TSPEAR: variants seen among roughly 807,000 people sequenced by gnomAD.
TSPEAR encodes thrombospondin-type laminin G domain and EAR repeat-containing protein.
In TSPEAR, 69 loss-of-function variants were observed where a neutral mutation model predicts 71.6. That is an observed-to-expected ratio of 0.96 (90% confidence interval 0.79 to 1.18). TSPEAR has a LOEUF of 1.18. Ranked by LOEUF, TSPEAR falls within the 50% of genes most tolerant of loss-of-function variation. The pLI is 0.00. For synonymous variants in TSPEAR, 402 were observed against 387.2 expected (o/e 1.04, Z -0.45); for missense variants, 971 against 894.9 (o/e 1.09, Z -1.09).
intron 9 of TSPEAR, among the ~76,000 whole-genome samples, chr21:44,510,399 T>TCTG (rs1328552754): frequency 6.6e-6 from 1 of 152,194 alleles, no homozygotes; most frequent in Middle Eastern, 3.2e-3. Flanking sequence ...AAGAAGCAGC[T>TCTG]CTGAGAGCCT....
At chr21:44,589,115 T>A (rs1371241949) in intron 1 of TSPEAR, among the ~76,000 whole-genome samples, 1 of 152,196 alleles carries the variant, frequency 6.6e-6, no homozygotes, top group African/African-American at 2.4e-5. Flanking sequence ...CTAATCCATG[T>A]AACCAAACAC....
intron 1 of TSPEAR, among the ~76,000 whole-genome samples, chr21:44,617,836 C>CTG (rs782135602): frequency 3.5e-4 from 53 of 152,384 alleles, no homozygotes; most frequent in Non-Finnish European, 5.9e-4. Flanking sequence ...AACGACACTT[C>CTG]TGTGTGTGTT....
chr21:44,522,072 G>A lies in TSPEAR; in HGVS notation c.1377C>T (p.Asn459=). Residue 459 remains asparagine (N), a synonymous_variant, in exon 9 of 12, where the codon AAC becomes AAT. Coordinates refer to ENST00000323084, the MANE Select transcript of TSPEAR (RefSeq NM_144991.3). ...HNIDSVIYKW[N]PATRLFEANQ... is the part of the protein sequence containing the mutation. ...TGGCCTCGAAGAGCCGGGTTGCCGG[G>A]TTCCACTTGTAGATGACACTGTCGA... 1.2e-6 allele frequency: 2 copies of A among 1,614,126 alleles called. No homozygotes were observed. Among genetic ancestry groups the A allele is most frequent in the Non-Finnish European group, 1.7e-6 (2 of 1,180,016 alleles).
At chr21:44,680,716 G>T (rs921912825) in intron 1 of TSPEAR, among the ~76,000 whole-genome samples, 1 of 152,196 alleles carries the variant, frequency 6.6e-6, no homozygotes, top group African/African-American at 2.4e-5. Flanking sequence ...CCATAAAAAA[G>T]AATGAAGTCC....
intron 1 of TSPEAR, among the ~76,000 whole-genome samples, chr21:44,667,907 A>C (rs1464742474): frequency 6.6e-6 from 1 of 152,258 alleles, no homozygotes; most frequent in Non-Finnish European, 1.5e-5. Flanking sequence ...GAATAGAAGA[A>C]AACTACCTCA....
intron 1 of TSPEAR, among the ~76,000 whole-genome samples, chr21:44,660,463 C>A (rs959062225): frequency 2.6e-5 from 4 of 152,062 alleles, no homozygotes; most frequent in Admixed American, 6.6e-5. Flanking sequence ...ATCACAGGAC[C>A]GAAAGTACAT....
Position 44,593,738 on chromosome 21 carries a change from G to C in TSPEAR, c.83-25733C>G, listed in dbSNP as rs1980161374. On this transcript the variant is annotated intron_variant, in intron 1 of 11. Coordinates refer to ENST00000323084, the MANE Select transcript of TSPEAR (RefSeq NM_144991.3). The surrounding 1 kb of genome is among the most constrained non-coding windows in gnomAD (Gnocchi z 5.9). ...TCAGGCCGCGCCAGGCAAGGGACAA[G>C]CCGCGTGCCCTACACTGAGAGGACG... Among the ~76,000 whole-genome samples, 1 of 152,196 alleles carries C rather than the reference G, an allele frequency of 6.6e-6. No individual in the cohort carries two copies. The highest frequency in any genetic ancestry group is 1.5e-5 in the Non-Finnish European group (1 of 68,042).
Position 44,525,713 on chromosome 21 carries a change from C to T in TSPEAR, c.1276G>A (p.Asp426Asn). Residue 426 changes from aspartate (D) to asparagine (N), a missense_variant, in exon 8 of 12, where the codon GAC becomes AAC. Physicochemically the swap from Asp to Asn is conservative, Grantham distance 23. Coordinates refer to ENST00000323084, the MANE Select transcript of TSPEAR (RefSeq NM_144991.3). The part of the protein sequence containing the change: ...YQSIATHSAR[D>N]WEAFEVDGEH... Reference sequence around the variant, plus strand: ...CCATCCACCTCGAAGGCCTCCCAGTCTCGGGCGCTGTGTGTGGCAATGCTC... The same window carrying T: ...CCATCCACCTCGAAGGCCTCCCAGTTTCGGGCGCTGTGTGTGGCAATGCTC... 6.2e-7 allele frequency: 1 copy of T among 1,614,208 alleles called. No individual in the cohort carries two copies. Among genetic ancestry groups the T allele is most frequent in the Non-Finnish European group, 8.5e-7 (1 of 1,180,048 alleles).
At position 44,705,304 on chromosome 21, in the gene TSPEAR, T is replaced by C. The variant is rs550833598; in HGVS notation, c.82+6129A>G. ...TGTATATCATTCCAGGACCCTGTAA[T>C]AATTGTGTTAACTACAAAAATTGTA... On this transcript the variant is annotated intron_variant, in intron 1 of 11. Coordinates refer to ENST00000323084, the MANE Select transcript of TSPEAR (RefSeq NM_144991.3). 2.6e-5 allele frequency among the ~76,000 whole-genome samples: 4 copies of C among 152,338 alleles called. No individual in the cohort carries two copies. The South Asian group carries it at 8.3e-4, about 32-fold the overall frequency.
Position 44,499,940 on chromosome 21 carries a change from C to T in TSPEAR, c.1857-4G>A, listed in dbSNP as rs372347961. On this transcript the variant is annotated splice_polypyrimidine_tract_variant and splice_region_variant and intron_variant, in intron 11 of 11. Transcript: ENST00000323084. ...GAAGCCCTCGTAGCCCTGCCACCTG[C>T]GGAACAGACAGCGGCAGCCGGGTCA... 46 of 1,602,414 alleles carry T rather than the reference C, an allele frequency of 2.9e-5. No individual in the cohort carries two copies. Among genetic ancestry groups the T allele is most frequent in the Non-Finnish European group, 3.6e-5 (42 of 1,176,532 alleles).
At position 44,588,701 on chromosome 21, in the gene TSPEAR, T is replaced by TTTATATATATTTATTTATATATTTATAC. The variant is rs139256853; in HGVS notation, c.83-20697_83-20696insGTATAAATATATAAATAAATATATATAA. ...ATATATATATTTATTTATATATTTA[T>TTTATATATATTTATTTATATATTTATAC]ATATATAAACTGATATATATGTGTG... On this transcript the variant is annotated intron_variant, in intron 1 of 11. Coordinates refer to ENST00000323084, the MANE Select transcript of TSPEAR (RefSeq NM_144991.3). Among the ~76,000 whole-genome samples, 8 of 143,020 alleles carry TTTATATATATTTATTTATATATTTATAC rather than the reference T, an allele frequency of 5.6e-5. 1 individual carries two copies. The highest frequency in any genetic ancestry group is 2.1e-4 in the Admixed American group (3 of 14,176). The allele number at this position is 143,020 out of a possible 152,430, so 93.8% of individuals were successfully genotyped here.
At chr21:44,654,376 A>T in intron 1 of TSPEAR, 1 of 1,614,172 alleles carries the variant, frequency 6.2e-7, no homozygotes, top group Non-Finnish European at 8.5e-7. Flanking sequence ...AGCCACACAC[A>T]AAACAGGCTT....
chr21:44,620,191 A>G (rs1243486186), intron 1 of TSPEAR, among the ~76,000 whole-genome samples: 2 of 152,252 alleles, frequency 1.3e-5, no homozygotes, highest in Non-Finnish European at 2.9e-5. Context: ...GGTGGGGAGC[A>G]CCCAACAACC....
Position 44,525,699 on chromosome 21 carries a change from G to A in TSPEAR, c.1290C>T (p.Phe430=), listed in dbSNP as rs781808330. The stretch of plus-strand genomic sequence containing the variant: ...CCAGGAAGTGCTCCCCATCCACCTC[G>A]AAGGCCTCCCAGTCTCGGGCGCTGT... ...ATHSARDWEA[F]EVDGEHFLAV... Residue 430 remains phenylalanine (F), a synonymous_variant, in exon 8 of 12, where the codon TTC becomes TTT. Coordinates refer to ENST00000323084, the MANE Select transcript of TSPEAR (RefSeq NM_144991.3). 8.7e-6 allele frequency: 14 copies of A among 1,614,024 alleles called. No homozygotes were observed. Among genetic ancestry groups the A allele is most frequent in the East Asian group, 2.2e-5 (1 of 44,898 alleles).
intron 1 of TSPEAR, chr21:44,575,140 C>A: frequency 1.0e-6 from 1 of 977,736 alleles, no homozygotes; most frequent in Non-Finnish European, 1.5e-6. Context: ...TTGAGCTGGA[C>A]AATGGAAGAA....
At chr21:44,574,983 C>T (rs1555923699) in intron 1 of TSPEAR, 2 of 1,611,502 alleles carry the variant, frequency 1.2e-6, no homozygotes, top group Non-Finnish European at 8.5e-7. Context: ...GTGCTCCCGC[C>T]CAGCCTGCTG....
At chr21:44,517,858 C>T (rs1460789243) in intron 9 of TSPEAR, 2 of 471,024 alleles carry the variant, frequency 4.2e-6, no homozygotes, top group South Asian at 1.5e-5. Context: ...TGCTCTCGCG[C>T]TCCTTGGGCT....
chr21:44,503,027 G>T (rs1296119998), intron 11 of TSPEAR, among the ~76,000 whole-genome samples: 1 of 142,892 alleles, frequency 7.0e-6, no homozygotes, highest in African/African-American at 2.6e-5. Flanking sequence ...GCCTCGGTGA[G>T]CCCTCGGGGG....
chr21:44,651,824 C>T (rs1555941471), intron 1 of TSPEAR, among the ~76,000 whole-genome samples: 1 of 152,122 alleles, frequency 6.6e-6, no homozygotes, highest in Non-Finnish European at 1.5e-5. Context: ...CTCAGCTGGC[C>T]ACAGAAGTTC....
Sources: gnomAD v4.1 joint callset for allele counts (sites outside exome capture counted in the v4.1 genomes callset) on GRCh38, gnomAD v4.1.1 for gene constraint, Gnocchi (gnomAD v3.1) non-coding constraint, MANE v1.5 for transcripts, NCBI Gene and HGNC (gene_info 2026-07-23, HGNC 2026-07-21) for gene names.